The following SLC30A8 variants were observed in gnomAD, a reference collection of about 807,000 sequenced individuals.
SLC30A8 encodes solute carrier family 30 member 8, also known as proton-coupled zinc antiporter SLC30A8.
Under a neutral mutation model 36.9 loss-of-function variants are expected in SLC30A8, and 27 were observed. That is an observed-to-expected ratio of 0.73 (90% CI 0.54 to 1.01). The LOEUF is 1.01. SLC30A8 is among the 50% of genes least tolerant of loss of function. The pLI, the probability that SLC30A8 is intolerant of heterozygous loss-of-function variation, is 0.00. For synonymous variants in SLC30A8, 164 were observed against 172.4 expected (o/e 0.95, Z 0.38); for missense variants, 439 against 452.0 (o/e 0.97, Z 0.26).
intron 2 of SLC30A8, among the ~76,000 whole-genome samples, chr8:117,054,075 T>TA (rs1817791091): frequency 6.7e-6 from 1 of 149,960 alleles, no homozygotes. Context: ...GCACTGAACA[T>TA]ACACTAAATG....
intron 6 of SLC30A8, among the ~76,000 whole-genome samples, chr8:117,166,012 G>A (rs965537510): frequency 1.3e-5 from 2 of 152,114 alleles, no homozygotes; most frequent in Admixed American, 6.6e-5. Flanking sequence ...GTTGTTAAAG[G>A]ATGCAAAATT....
intron 1 of SLC30A8, among the ~76,000 whole-genome samples, chr8:116,955,034 C>T (rs1315581049): frequency 1.3e-5 from 2 of 152,142 alleles, no homozygotes; most frequent in Non-Finnish European, 2.9e-5. Context: ...TTGATGGCTT[C>T]CGTTGTCTGT....
intron 6 of SLC30A8, among the ~76,000 whole-genome samples, chr8:117,166,303 C>T (rs1184914658): frequency 6.6e-6 from 1 of 152,028 alleles, no homozygotes; most frequent in Admixed American, 6.6e-5. Context: ...TTATTGGAGA[C>T]CTGAGGTACT....
At position 117,175,986 on chromosome 8, in the gene SLC30A8, A is replaced by T. The variant is rs1336422845; in HGVS notation, c.*3305A>T. ...ATTGTCACTCCAAGGACATTTATTA[A>T]TAAAAAGAACAACTGTCCAGTGCAA... On this transcript the variant is annotated 3_prime_UTR_variant, in exon 8 of 8. Coordinates refer to ENST00000456015, the MANE Select transcript of SLC30A8 (RefSeq NM_173851.3). The T allele has an allele frequency of 6.6e-6, 1 of 152,090 alleles. No individual in the cohort carries two copies. 9.4% of individuals were successfully genotyped at this position (152,090 alleles called of 1,614,324 possible). A position where few individuals can be genotyped will look rare whatever the true frequency, so the allele number is the denominator to read the frequency against.
chr8:116,956,609 A>G (rs1814213707), intron 1 of SLC30A8, among the ~76,000 whole-genome samples: 1 of 152,226 alleles, frequency 6.6e-6, no homozygotes, highest in Non-Finnish European at 1.5e-5. Context: ...ATAGAAATTC[A>G]TATCTACTAA....
intron 2 of SLC30A8, among the ~76,000 whole-genome samples, chr8:117,098,022 T>C (rs1040910363): frequency 1.5e-5 from 2 of 132,178 alleles, no homozygotes; most frequent in African/African-American, 2.9e-5. Context: ...TTATTTTAAA[T>C]AAATATATTA....
intron 2 of SLC30A8, among the ~76,000 whole-genome samples, chr8:117,042,142 A>G (rs1022151040): frequency 1.6e-4 from 24 of 152,178 alleles, no homozygotes; most frequent in African/African-American, 5.6e-4. Flanking sequence ...TTTAATTTTC[A>G]TGAGAATGAA....
chr8:116,956,039 G>A (rs1032019860), intron 1 of SLC30A8, among the ~76,000 whole-genome samples: 2 of 152,202 alleles, frequency 1.3e-5, no homozygotes, highest in African/African-American at 2.4e-5. Context: ...ACTTAGTTGA[G>A]GTTGGTGATC....
chr8:116,990,807 C>T (rs890759262), intron 1 of SLC30A8, among the ~76,000 whole-genome samples: 15 of 152,096 alleles, frequency 9.9e-5, no homozygotes, highest in Non-Finnish European at 1.6e-4. Flanking sequence ...ACAGAAACCT[C>T]GTACTATCTT....
At chr8:117,019,040 A>G (rs961596867) in intron 1 of SLC30A8, among the ~76,000 whole-genome samples, 2 of 152,216 alleles carry the variant, frequency 1.3e-5, no homozygotes, top group Non-Finnish European at 2.9e-5. Flanking sequence ...AAATGGTCAT[A>G]TAAGTACCAA....
At chr8:117,164,471 G>A (rs1303074383) in intron 6 of SLC30A8, among the ~76,000 whole-genome samples, 1 of 152,134 alleles carries the variant, frequency 6.6e-6, no homozygotes, top group Non-Finnish European at 1.5e-5. Context: ...CTAGTCAGGA[G>A]ACTGAGATGG....
intron 1 of SLC30A8, among the ~76,000 whole-genome samples, chr8:117,007,771 T>C (rs1013727545): frequency 2.4e-4 from 37 of 152,184 alleles, no homozygotes; most frequent in Non-Finnish European, 1.0e-4. Context: ...AGGGCACACA[T>C]TAGTAAACAG....
chr8:117,006,659 ATGTC>A (rs1270776243), intron 1 of SLC30A8, among the ~76,000 whole-genome samples: 2 of 151,670 alleles, frequency 1.3e-5, no homozygotes, highest in Non-Finnish European at 2.9e-5. Context: ...TCAGTCTACC[ATGTC>A]TGTTGCAGTT....
Position 117,176,685 on chromosome 8 carries a change from G to GTTGT in SLC30A8, c.*4007_*4010dup, listed in dbSNP as rs1823713513. Reference sequence around the variant, plus strand: ...ATTCTATTTTAAAATGTTAATGTGTGTTGTTTAAAATAAAATCAAGAAAGA... The same window carrying GTTGT: ...ATTCTATTTTAAAATGTTAATGTGTGTTGTTTGTTTAAAATAAAATCAAGAAAGA... On this transcript the variant is annotated 3_prime_UTR_variant, in exon 8 of 8. Transcript: ENST00000456015. 1 of 152,470 alleles carries GTTGT rather than the reference G, an allele frequency of 6.6e-6. No individual in the cohort carries two copies. Among genetic ancestry groups the GTTGT allele is most frequent in the African/African-American group, 2.4e-5 (1 of 41,408 alleles). The allele number at this position is 152,470 out of a possible 1,614,324, so 9.4% of individuals were successfully genotyped here.
At chr8:117,003,522 G>A (rs1816081908) in intron 1 of SLC30A8, among the ~76,000 whole-genome samples, 1 of 152,172 alleles carries the variant, frequency 6.6e-6, no homozygotes, top group Non-Finnish European at 1.5e-5. Flanking sequence ...AAAGCAGAGC[G>A]GCAGAGCTGG....
chr8:117,106,661 C>T (rs533176576), intron 2 of SLC30A8, among the ~76,000 whole-genome samples: 13 of 152,222 alleles, frequency 8.5e-5, no homozygotes, highest in Non-Finnish European at 1.9e-4. Context: ...ATTTCCCTAC[C>T]CTGTTCTATG....
rs748826440 is a variant in SLC30A8, at chr8:117,161,893, G to T, written c.723+5G>T. ...GCACTTATTATCTACTTTAAGGTGA[G>T]TTTGAGTTTACCCACCATCCTAGTA... On this transcript the variant is annotated splice_donor_5th_base_variant and intron_variant, in intron 5 of 7. Coordinates refer to ENST00000456015, the MANE Select transcript of SLC30A8 (RefSeq NM_173851.3). 25 of 1,609,610 alleles carry T rather than the reference G, an allele frequency of 1.6e-5. No individual in the cohort carries two copies. In the South Asian group the frequency reaches 2.6e-4, roughly 17 times the overall value.
At chr8:117,145,026 T>C (rs892235562) in intron 1 of SLC30A8, among the ~76,000 whole-genome samples, 7 of 152,148 alleles carry the variant, frequency 4.6e-5, no homozygotes, top group Admixed American at 4.6e-4. Flanking sequence ...ATACATAGTT[T>C]GATTACTTTT....
intron 2 of SLC30A8, among the ~76,000 whole-genome samples, chr8:117,048,303 G>A (rs1209117196): frequency 6.6e-6 from 1 of 152,202 alleles, no homozygotes; most frequent in East Asian, 1.9e-4. Flanking sequence ...GTGTTCATCA[G>A]ATTTAAGCTC....
Sources: gnomAD v4.1 joint callset for allele counts (sites outside exome capture counted in the v4.1 genomes callset) on GRCh38, gnomAD v4.1.1 for gene constraint, MANE v1.5 for transcripts, NCBI Gene and HGNC (gene_info 2026-07-23, HGNC 2026-07-21) for gene names.